NSL1: variants seen among roughly 807,000 people sequenced by gnomAD.
NSL1 encodes the protein kinetochore-associated protein NSL1 homolog.
In NSL1, 11 loss-of-function variants were observed where a neutral mutation model predicts 25.4. The ratio of observed to expected loss-of-function variants is 0.43; its 90% CI spans 0.27 to 0.72. NSL1 has a LOEUF of 0.72. Among genes scored for constraint, NSL1 ranks in the 30% least tolerant of loss-of-function variants. The probability of loss-of-function intolerance (pLI) is 0.19; values close to 1 mark genes in which losing one functional copy is unlikely to be tolerated. For synonymous variants in NSL1, 118 were observed against 120.6 expected (o/e 0.98, Z 0.14); for missense variants, 330 against 342.7 (o/e 0.96, Z 0.29).
chr1:212,749,879 T>C (rs1006688489), intron 4 of NSL1, among the ~76,000 whole-genome samples: 1 of 150,838 alleles, frequency 6.6e-6, no homozygotes, highest in Admixed American at 6.6e-5. Context: ...TTTTAACAAA[T>C]GAATGTCTAG....
chr1:212,782,035 T>C (rs1248214151), intron 4 of NSL1: 4 of 560,994 alleles, frequency 7.1e-6, no homozygotes, highest in African/African-American at 5.6e-5. Context: ...AATGCTTTAA[T>C]AGTATAGCTT....
In NSL1 at chr1:212,728,820, A is replaced by G; in HGVS notation, c.*9588T>C. ...TCACTCTGACTCGAGGAGGGCCCTCAGCGCAGAGAAAATTAAGTCTAGTGT... is the reference window on the plus strand; with the variant it reads ...TCACTCTGACTCGAGGAGGGCCCTCGGCGCAGAGAAAATTAAGTCTAGTGT... On this transcript the variant is annotated 3_prime_UTR_variant, in exon 6 of 6. Transcript: ENST00000366977. 1 of 985,366 alleles carries G rather than the reference A, an allele frequency of 1.0e-6. No individual in the cohort carries two copies. Among genetic ancestry groups the G allele is most frequent in the East Asian group, 1.1e-4 (1 of 8,816 alleles). 61.0% of individuals were successfully genotyped at this position (985,366 alleles called of 1,614,324 possible).
In NSL1 at chr1:212,730,305, A is replaced by AGTTGTGT. The variant is rs1657966902; in HGVS notation, c.*8096_*8102dup. On this transcript the variant is annotated 3_prime_UTR_variant, in exon 6 of 6. Transcript: ENST00000366977. ...CTCAGGTATTTATGGACTGGTGAAG[A>AGTTGTGT]GTTGTGTGGAGGGTGGCATTCCCAT... 1.0e-6 allele frequency: 1 copy of AGTTGTGT among 972,880 alleles called. No individual in the cohort carries two copies. Among genetic ancestry groups the AGTTGTGT allele is most frequent in the South Asian group, 4.8e-5 (1 of 20,856 alleles). The allele number at this position is 972,880 out of a possible 1,614,324, so 60.3% of individuals were successfully genotyped here.
At position 212,727,801 on chromosome 1, in the gene NSL1, TCTTA is replaced by T; in HGVS notation, c.*10603_*10606del. ...TTGCTTTAAACAACTTTGAGCACTT[TCTTA>T]GACACTAGTATTACATAGTAATATT... On this transcript the variant is annotated 3_prime_UTR_variant, in exon 6 of 6. Coordinates refer to ENST00000366977, the MANE Select transcript of NSL1 (RefSeq NM_015471.4). The T allele has an allele frequency of 1.0e-6, 1 of 984,182 alleles. No individual in the cohort carries two copies. Among genetic ancestry groups the T allele is most frequent in the Non-Finnish European group, 1.2e-6 (1 of 828,774 alleles). 61.0% of individuals were successfully genotyped at this position (984,182 alleles called of 1,614,324 possible). A position where few individuals can be genotyped will look rare whatever the true frequency, so the allele number is the denominator to read the frequency against.
chr1:212,745,198 A>ATATG (rs1658727787), intron 4 of NSL1, among the ~76,000 whole-genome samples: 7 of 80,522 alleles, frequency 8.7e-5, no homozygotes, highest in Non-Finnish European at 1.5e-4. Context: ...ATATATATAT[A>ATATG]TATATGCATA....
At chr1:212,759,189 A>T (rs534931179) in intron 4 of NSL1, among the ~76,000 whole-genome samples, 2 of 152,218 alleles carry the variant, frequency 1.3e-5, no homozygotes, top group African/African-American at 2.4e-5. Context: ...GGAAAAAAAA[A>T]TAGGTAAATT....
At position 212,738,234 on chromosome 1, in the gene NSL1, A is replaced by G; in HGVS notation, c.*174T>C. On this transcript the variant is annotated 3_prime_UTR_variant, in exon 6 of 6. Coordinates refer to ENST00000366977, the MANE Select transcript of NSL1 (RefSeq NM_015471.4). ...TTTATTTACAATAGATAAAACAGTA[A>G]GGAAATACAATATTATATCATATCC... 1 of 1,363,640 alleles carries G rather than the reference A, an allele frequency of 7.3e-7. No homozygotes were observed. Among genetic ancestry groups the G allele is most frequent in the Non-Finnish European group, 9.4e-7 (1 of 1,060,334 alleles). 84.5% of individuals were successfully genotyped at this position (1,363,640 alleles called of 1,614,324 possible).
intron 4 of NSL1, among the ~76,000 whole-genome samples, chr1:212,766,944 CACAA>C (rs1355903597): frequency 1.3e-5 from 2 of 152,174 alleles, no homozygotes; most frequent in African/African-American, 4.8e-5. Flanking sequence ...TCACAGATGA[CACAA>C]ACAAATGGAA....
chr1:212,772,676 C>CA (rs55760174), intron 4 of NSL1, among the ~76,000 whole-genome samples: 26,845 of 150,418 alleles, frequency 0.18, 2,700 homozygotes, highest in African/African-American at 0.28. Flanking sequence ...GACATTGTCT[C>CA]AAAAAAAGAA....
intron 4 of NSL1, among the ~76,000 whole-genome samples, chr1:212,778,384 G>A (rs966117883): frequency 6.6e-5 from 10 of 152,144 alleles, no homozygotes; most frequent in African/African-American, 2.2e-4. Flanking sequence ...CTTTAAAAGC[G>A]TCAGTTTTCG....
intron 4 of NSL1, among the ~76,000 whole-genome samples, chr1:212,746,377 C>A (rs1161348568): frequency 6.6e-6 from 1 of 151,916 alleles, no homozygotes; most frequent in Non-Finnish European, 1.5e-5. Context: ...AAATTGTAAT[C>A]CCCAAGGAAA....
chr1:212,731,986 T>C lies in NSL1; in HGVS notation c.*6422A>G. The stretch of plus-strand genomic sequence containing the variant: ...CTGTTCAGTGCCTGTGCTGTACTAA[T>C]TGCTAATTCCCATCCTTTAGCCTCC... On this transcript the variant is annotated 3_prime_UTR_variant, in exon 6 of 6. Coordinates refer to ENST00000366977, the MANE Select transcript of NSL1 (RefSeq NM_015471.4). The C allele has an allele frequency of 2.0e-6, 2 of 985,158 alleles. No homozygotes were observed. Among genetic ancestry groups the C allele is most frequent in the South Asian group, 4.7e-5 (1 of 21,278 alleles). 61.0% of individuals were successfully genotyped at this position (985,158 alleles called of 1,614,324 possible).
At chr1:212,766,828 T>C (rs1411410941) in intron 4 of NSL1, among the ~76,000 whole-genome samples, 2 of 152,046 alleles carry the variant, frequency 1.3e-5, no homozygotes, top group East Asian at 3.8e-4. Flanking sequence ...CAACCACTTT[T>C]ACAACAGCTG....
rs1657917191 is a variant in NSL1 at position 212,729,433 on chromosome 1, G to C, written c.*8975C>G. ...CGAGTATGTGTGTAATAAAAGGTGT[G>C]GCTACGAAAAATCATTTTACAATAT... On this transcript the variant is annotated 3_prime_UTR_variant, in exon 6 of 6. Coordinates refer to ENST00000366977, the MANE Select transcript of NSL1 (RefSeq NM_015471.4). The C allele has an allele frequency of 2.0e-6, 2 of 985,128 alleles. No individual in the cohort carries two copies. The highest frequency in any genetic ancestry group is 3.5e-5 in the African/African-American group (2 of 57,196). 61.0% of individuals were successfully genotyped at this position (985,128 alleles called of 1,614,324 possible).
intron 4 of NSL1, among the ~76,000 whole-genome samples, chr1:212,768,319 CAAAAAAAAAAAAA>C (rs34528216): frequency 1.5e-5 from 1 of 68,906 alleles, no homozygotes; most frequent in African/African-American, 7.3e-5. Context: ...GACTCCGTCT[CAAAAAAAAAAAAA>C]AAAAAAAAAA....
intron 4 of NSL1, among the ~76,000 whole-genome samples, chr1:212,761,062 C>A (rs548903773): frequency 1.3e-5 from 2 of 152,332 alleles, no homozygotes; most frequent in South Asian, 4.1e-4. Flanking sequence ...AAGCACCCTA[C>A]CCAATCAATA....
intron 4 of NSL1, among the ~76,000 whole-genome samples, chr1:212,746,870 G>A (rs769635750): frequency 4.6e-5 from 7 of 152,262 alleles, no homozygotes; most frequent in South Asian, 2.1e-4. Context: ...CTGTGGCCAG[G>A]TGCGGTGGCC....
chr1:212,767,999 T>C lies in NSL1; in HGVS notation c.499+14373A>G, dbSNP rs190566898. On this transcript the variant is annotated intron_variant, in intron 4 of 5. Transcript: ENST00000366977. ...GAATGTAAATTAGTACAACCACTAT[T>C]GAAAACAATATGGAGATTCCTTAAA... Among the ~76,000 whole-genome samples, 3 of 152,264 alleles carry C rather than the reference T, an allele frequency of 2.0e-5. No individual in the cohort carries two copies. The East Asian group carries it at 5.8e-4, about 29-fold the overall frequency.
intron 4 of NSL1, among the ~76,000 whole-genome samples, chr1:212,779,418 C>CGGGA (rs1660575374): frequency 8.6e-6 from 1 of 116,302 alleles, no homozygotes. Context: ...CCGCCCCGTC[C>CGGGA]GGGAGGTGAG....
Sources: gnomAD v4.1 joint callset for allele counts (sites outside exome capture counted in the v4.1 genomes callset) on GRCh38, gnomAD v4.1.1 for gene constraint, MANE v1.5 for transcripts, NCBI Gene and HGNC (gene_info 2026-07-23, HGNC 2026-07-21) for gene names.